NOTCH4: variants seen among roughly 807,000 people sequenced by gnomAD.
The protein encoded by NOTCH4 is notch receptor 4.
In NOTCH4, 138 loss-of-function variants were observed where a neutral mutation model predicts 189.0. The ratio of observed to expected loss-of-function variants is 0.73; its 90% CI spans 0.64 to 0.84. The LOEUF is 0.84. Ranked by LOEUF, NOTCH4 falls within the 40% of genes least tolerant of loss-of-function variation. NOTCH4 has a pLI of 0.00. For missense variants in NOTCH4, 2,286 were observed against 2,605.4 expected, an observed-to-expected ratio of 0.88 and a Z score of 2.67; for synonymous variants, 942 against 1,032.8, an observed-to-expected ratio of 0.91 and a Z score of 1.69.
rs202245655 is a variant in NOTCH4 at position 32,197,498 on chromosome 6, G to A, written c.4853C>T (p.Pro1618Leu). 11 of 1,606,584 alleles carry A rather than the reference G, an allele frequency of 6.8e-6. No individual in the cohort carries two copies. Among genetic ancestry groups the A allele is most frequent in the Non-Finnish European group, 7.7e-6 (9 of 1,176,404 alleles). Residue 1618 changes from proline to leucine, a missense_variant, in exon 27 of 30, where the codon CCT becomes CTT. This residue lies in a region of NOTCH4 where 1,903 missense variants were observed against 2,261.9 expected (regional missense o/e 0.84). Coordinates refer to ENST00000375023, the MANE Select transcript of NOTCH4 (RefSeq NM_004557.4). The part of the protein sequence containing the change: ...AWLGCPEPWE[P>L]LLDGGACPQA... ...GGGACAGGCCCCTCCATCCAGCAGAGGTTCCCAGGGCTCAGGACATCCCAA... is the reference window on the plus strand; with the variant it reads ...GGGACAGGCCCCTCCATCCAGCAGAAGTTCCCAGGGCTCAGGACATCCCAA...
Position 32,202,130 on chromosome 6 carries a change from T to C in NOTCH4, c.3701A>G (p.Asp1234Gly), listed in dbSNP as rs368624648. Residue 1234 changes from aspartate (D) to glycine (G), a missense_variant, in exon 21 of 30, where the codon GAC becomes GGC. Physicochemically the swap from Asp to Gly is moderately conservative, Grantham distance 94. Coordinates refer to ENST00000375023, the MANE Select transcript of NOTCH4 (RefSeq NM_004557.4). The surrounding 1 kb of genome is among the most constrained non-coding windows in gnomAD (Gnocchi z 5.7). ...FRDGQCHPQC[D>G]SEECLFDGYD... Reference sequence around the variant, plus strand: ...GCCATCAAACAGACACTCTTCAGAGTCACACTGTGGGTGGCACTGCCCGTC... The same window carrying C: ...GCCATCAAACAGACACTCTTCAGAGCCACACTGTGGGTGGCACTGCCCGTC... 4.0e-6 allele frequency: 6 copies of C among 1,509,270 alleles called. No individual in the cohort carries two copies. In the African/African-American group the frequency reaches 7.0e-5, roughly 18 times the overall value. 93.5% of individuals were successfully genotyped at this position (1,509,270 alleles called of 1,614,324 possible). A position where few individuals can be genotyped will look rare whatever the true frequency, so the allele number is the denominator to read the frequency against.
Position 32,215,367 on chromosome 6 carries a change from G to T in NOTCH4, c.1880C>A (p.Pro627His). ...CTGGCACAGGTTGGGAGCACACAGG[G>T]GAACCTCACAGAGCTGGCCTGGGGT... ...SGFTGQLCEV[P>H]LCAPNLCQPK... Residue 627 changes from proline to histidine, a missense_variant, in exon 12 of 30, where the codon CCC becomes CAC. By Grantham distance (77) the Pro-to-His change is moderately conservative. Around this residue, in one of 2 missense-constraint regions of NOTCH4, gnomAD observed 1,903 missense variants for 2,261.9 expected, o/e 0.84. Transcript: ENST00000375023. The T allele has an allele frequency of 6.2e-7, 1 of 1,610,606 alleles. No individual in the cohort carries two copies. The highest frequency in any genetic ancestry group is 8.5e-7 in the Non-Finnish European group (1 of 1,179,208).
rs1455948215 is a variant in NOTCH4 at position 32,212,576 on chromosome 6, G to A, written c.2578C>T (p.Leu860Phe). 6.2e-7 allele frequency: 1 copy of A among 1,613,252 alleles called. No homozygotes were observed. Among genetic ancestry groups the A allele is most frequent in the South Asian group, 1.1e-5 (1 of 91,086 alleles). Residue 860 changes from leucine (L) to phenylalanine (F), a missense_variant, in exon 17 of 30, where the codon CTC (leucine) becomes TTC (phenylalanine). This residue lies in a region of NOTCH4 where 1,903 missense variants were observed against 2,261.9 expected (regional missense o/e 0.84). Coordinates refer to ENST00000375023, the MANE Select transcript of NOTCH4 (RefSeq NM_004557.4). The surrounding 1 kb of genome is among the most constrained non-coding windows in gnomAD (Gnocchi z 4.4). The stretch of plus-strand genomic sequence containing the variant: ...CAGTGGAAGGAGGGCCCAGTCTGGA[G>A]GCAGTGGGAATTGCGTGGGCAGGGC... The part of the protein sequence containing the change: ...QKPCPRNSHC[L>F]QTGPSFHCLC...
Position 32,202,468 on chromosome 6 carries a change from C to A in NOTCH4, c.3363G>T (p.Gly1121=), listed in dbSNP as rs749820350. 1 of 1,612,552 alleles carries A rather than the reference C, an allele frequency of 6.2e-7. No individual in the cohort carries two copies. Among genetic ancestry groups the A allele is most frequent in the Non-Finnish European group, 8.5e-7 (1 of 1,179,784 alleles). Residue 1121 remains glycine, a synonymous_variant, in exon 21 of 30, where the codon GGG becomes GGT. Transcript: ENST00000375023. This position sits in a 1 kb window ranked among gnomAD's most constrained non-coding sequence, Gnocchi z 5.7. ...CTGGTGGGGTCAGGCAGTCAGGACC[C>A]CCATAGCCACTGAGGCAGGCACAGC... ...PPRCACLSGY[G]GPDCLTPPAP... is the part of the protein sequence containing the mutation.
rs1788133112 is a variant in NOTCH4, at chr6:32,198,660, CCT to C, written c.4604_4605del (p.Glu1535GlyfsTer6). 2.0e-5 allele frequency: 33 copies of C among 1,610,532 alleles called. No homozygotes were observed. Among genetic ancestry groups the C allele is most frequent in the Non-Finnish European group, 2.6e-5 (31 of 1,179,716 alleles). On this transcript the variant is annotated frameshift_variant, in exon 25 of 30. Coordinates refer to ENST00000375023, the MANE Select transcript of NOTCH4 (RefSeq NM_004557.4). LOFTEE classifies it high-confidence loss of function. The surrounding 1 kb of genome is among the most constrained non-coding windows in gnomAD (Gnocchi z 5.5). Reference sequence around the variant, plus strand: ...CCCAGCCCTTTCACCTGGCCCACCTCCTCTCCCTCCTCAGGGCCTGAGCACAT... The same window carrying C: ...CCCAGCCCTTTCACCTGGCCCACCTCCTCCCTCCTCAGGGCCTGAGCACAT... ...VVMCSGPEEG[E>X]EVGQAEETGP...
chr6:32,219,922 T>A, intron 7 of NOTCH4, 136 bp from the exon 8 acceptor site: 1 of 885,426 alleles, frequency 1.1e-6, no homozygotes, highest in Non-Finnish European at 1.7e-6. Context: ...GTCTTTAAGA[T>A]GGAAAGGAAA....
rs1437155976 is a variant in NOTCH4, at chr6:32,212,502, GGAC to G, written c.2649_2651del (p.Ser885del). The G allele has an allele frequency of 6.2e-7, 1 of 1,612,652 alleles. No homozygotes were observed. Among genetic ancestry groups the G allele is most frequent in the Non-Finnish European group, 8.5e-7 (1 of 1,179,686 alleles). ...GGCTCAGTGCAGCCTTCTGGCAGGAGGACAGTGGAAGGTTGCAGAGAGGCCCGG... is the reference window on the plus strand; with the variant it reads ...GGCTCAGTGCAGCCTTCTGGCAGGAGAGTGGAAGGTTGCAGAGAGGCCCGG... On this transcript the variant is annotated inframe_deletion, in exon 17 of 30. Transcript: ENST00000375023. The surrounding 1 kb of genome is among the most constrained non-coding windows in gnomAD (Gnocchi z 4.4).
At position 32,201,221 on chromosome 6, in the gene NOTCH4, G is replaced by C. The variant is rs1287109586; in HGVS notation, c.4035C>G (p.Ala1345=). The part of the protein sequence containing the change: ...GRDMVYPYPG[A]RAEEKLGGTR... ...TTCCTCCTAGCTTTTCTTCAGCCCG[G>C]GCCCCAGGATAGGGGTACACCATGT... Residue 1345 remains alanine, a synonymous_variant, in exon 22 of 30, where the codon GCC becomes GCG. Transcript: ENST00000375023. This position sits in a 1 kb window ranked among gnomAD's most constrained non-coding sequence, Gnocchi z 5.5. 1 of 1,613,024 alleles carries C rather than the reference G, an allele frequency of 6.2e-7. No individual in the cohort carries two copies. Among genetic ancestry groups the C allele is most frequent in the South Asian group, 1.1e-5 (1 of 91,090 alleles).
rs1383817988 is a variant in NOTCH4 at position 32,202,219 on chromosome 6, A to G, written c.3612T>C (p.Ser1204=). 1 of 1,545,138 alleles carries G rather than the reference A, an allele frequency of 6.5e-7. No individual in the cohort carries two copies. The highest frequency in any genetic ancestry group is 8.7e-7 in the Non-Finnish European group (1 of 1,143,432). The change falls in exon 21 of 30, where the codon TCT becomes TCC. Residue 1204 remains serine, a synonymous_variant. Coordinates refer to ENST00000375023, the MANE Select transcript of NOTCH4 (RefSeq NM_004557.4). The surrounding 1 kb of genome is among the most constrained non-coding windows in gnomAD (Gnocchi z 5.7). ...PGGNWDGGDC[S]LGVPDPWKGC... is the part of the protein sequence containing the mutation. ...CCTTCCAGGGGTCTGGGACTCCCAG[A>G]GAGCAGTCCCCTCCATCCCAGTTTC...
At chr6:32,213,364 C>G in intron 14 of NOTCH4, 112 bp from the exon 15 acceptor site, 1 of 675,952 alleles carries the variant, frequency 1.5e-6, no homozygotes, top group Non-Finnish European at 2.6e-6. Context: ...AACGACAGCT[C>G]ACTGCCATCC....
At chr6:32,220,376 C>G (rs369203297) in intron 6 of NOTCH4, 29 bp downstream of exon 6, 2 of 1,612,856 alleles carry the variant, frequency 1.2e-6, no homozygotes, top group Non-Finnish European at 1.7e-6. Context: ...TCTCTACCTC[C>G]CACCTCCTGA....
Position 32,195,715 on chromosome 6 carries a change from G to A in NOTCH4, c.5734C>T (p.Arg1912Cys). Residue 1912 changes from arginine to cysteine, a missense_variant, in exon 30 of 30, where the codon CGC (arginine) becomes TGC (cysteine). Coordinates refer to ENST00000375023, the MANE Select transcript of NOTCH4 (RefSeq NM_004557.4). This position sits in a 1 kb window ranked among gnomAD's most constrained non-coding sequence, Gnocchi z 5.4. ...ATGCCTGCAGAAAACCTACGGCCGC[G>A]AGGGGTCGGGCCTCCTCCTGCTCCT... ...GVGAGGGPTP[R>C]GRRFSAGMRG... 6.2e-7 allele frequency: 1 copy of A among 1,612,836 alleles called. No individual in the cohort carries two copies. The highest frequency in any genetic ancestry group is 8.5e-7 in the Non-Finnish European group (1 of 1,179,936).
In NOTCH4 at chr6:32,203,869, C is replaced by G; in HGVS notation, c.3132G>C (p.Glu1044Asp). 6.4e-7 allele frequency: 1 copy of G among 1,556,266 alleles called. No individual in the cohort carries two copies. The highest frequency in any genetic ancestry group is 8.7e-7 in the Non-Finnish European group (1 of 1,149,560). ...GGCTGTGGCAGGGGTCTATCTCCAC[C>G]TCACACCACTGGCCTGTAATTATGG... ...CLPGHTGQWCEVEIDPCHSQP... is the reference protein window; with the variant it reads ...CLPGHTGQWCDVEIDPCHSQP... The change falls in exon 20 of 30, where the codon GAG becomes GAC. Residue 1044 changes from glutamate (E) to aspartate (D), a missense_variant. Coordinates refer to ENST00000375023, the MANE Select transcript of NOTCH4 (RefSeq NM_004557.4).
At chr6:32,219,241 G>T (rs1349062864) in intron 8 of NOTCH4, among the ~76,000 whole-genome samples, 1 of 152,108 alleles carries the variant, frequency 6.6e-6, no homozygotes, top group Non-Finnish European at 1.5e-5. Context: ...GAGCATTCTG[G>T]GTTGACCTGA....
intron 1 of NOTCH4, 146 bp downstream of exon 1, chr6:32,223,710 C>T (rs1789942784): frequency 1.2e-6 from 1 of 860,276 alleles, no homozygotes; most frequent in Non-Finnish European, 1.8e-6. Context: ...GCCGTCTTTC[C>T]CTGGAGGCCG....
At position 32,199,114 on chromosome 6, in the gene NOTCH4, CA is replaced by C; in HGVS notation, c.4346del (p.Val1449GlyfsTer9). The C allele has an allele frequency of 6.2e-7, 1 of 1,609,702 alleles. No individual in the cohort carries two copies. Among genetic ancestry groups the C allele is most frequent in the Non-Finnish European group, 8.5e-7 (1 of 1,178,638 alleles). ...TCACCCCGGCCACTGGGGAGCACAG[CA>C]CAGGCCAGGGAAGCTGGTTGGCAGG... The part of the protein sequence containing the change: ...APPANQLPWP[V>X]LCSPVAGVIL... On this transcript the variant is annotated frameshift_variant, in exon 24 of 30. Transcript: ENST00000375023. LOFTEE classifies it high-confidence loss of function. This position sits in a 1 kb window ranked among gnomAD's most constrained non-coding sequence, Gnocchi z 4.9.
Position 32,201,315 on chromosome 6 carries a change from G to A in NOTCH4, c.3941C>T (p.Ala1314Val), listed in dbSNP as rs189264181. The change falls in exon 22 of 30, where the codon GCC becomes GTC. Residue 1314 changes from alanine (A) to valine (V), a missense_variant. Around this residue, in one of 2 missense-constraint regions of NOTCH4, gnomAD observed 1,903 missense variants for 2,261.9 expected, o/e 0.84. Coordinates refer to ENST00000375023, the MANE Select transcript of NOTCH4 (RefSeq NM_004557.4). The surrounding 1 kb of genome is among the most constrained non-coding windows in gnomAD (Gnocchi z 5.5). The part of the protein sequence containing the change: ...SPPALDQQLF[A>V]LARVLSLTLR... ...AGTCAGGGACAGCACCCGGGCCAGG[G>A]CAAACAGCTGCTGGTCTAGGGCTGG... The A allele has an allele frequency of 5.7e-5, 92 of 1,612,734 alleles. 2 individuals carry two copies. The Admixed American group carries it at 1.2e-3, about 20-fold the overall frequency.
chr6:32,206,038 A>G (rs1244863467), intron 18 of NOTCH4, among the ~76,000 whole-genome samples: 3 of 132,050 alleles, frequency 2.3e-5, no homozygotes, highest in Non-Finnish European at 3.3e-5. Flanking sequence ...CTCTGTCTCA[A>G]AAAAAAAAAG....
chr6:32,200,802 G>T lies in NOTCH4; in HGVS notation c.4315+29C>A. 6.4e-7 allele frequency: 1 copy of T among 1,566,780 alleles called. No individual in the cohort carries two copies. Among genetic ancestry groups the T allele is most frequent in the Non-Finnish European group, 8.7e-7 (1 of 1,156,008 alleles). On this transcript the variant is annotated intron_variant, in intron 23 of 29. Transcript: ENST00000375023. This position sits in a 1 kb window ranked among gnomAD's most constrained non-coding sequence, Gnocchi z 5.0. ...CATGAGAGCTGGCCTGGGAACAGAG[G>T]TCAGAGAAAGTGGCAAGGGGTCACC... is the stretch of plus-strand genomic sequence containing the variant.
Sources: gnomAD v4.1 joint callset for allele counts (sites outside exome capture counted in the v4.1 genomes callset) on GRCh38, gnomAD v4.1.1 for gene constraint, gnomAD v4.1.1 regional missense constraint, Gnocchi (gnomAD v3.1) non-coding constraint, MANE v1.5 for transcripts, NCBI Gene and HGNC (gene_info 2026-07-23, HGNC 2026-07-21) for gene names.